Variants in SLC22A3 observed in about 807,000 individuals in gnomAD.
SLC22A3 encodes solute carrier family 22 member 3.
A neutral mutation model predicts 59.1 loss-of-function variants in SLC22A3; 51 were observed. The observed-to-expected ratio is 0.86, with a 90% CI of 0.69 to 1.09. The LOEUF is 1.09. Among genes scored for constraint, SLC22A3 ranks in the 50% least tolerant of loss-of-function variants. The probability of loss-of-function intolerance (pLI) is 0.00; values close to 1 mark genes in which losing one functional copy is unlikely to be tolerated. For synonymous variants in SLC22A3, 325 were observed against 292.0 expected, an observed-to-expected ratio of 1.11 and a Z score of -1.15; for missense variants, 711 against 726.3, an observed-to-expected ratio of 0.98 and a Z score of 0.24.
chr6:160,358,125 A>G (rs1321922465), intron 1 of SLC22A3, among the ~76,000 whole-genome samples: 1 of 152,234 alleles, frequency 6.6e-6, no homozygotes, highest in African/African-American at 2.4e-5. Context: ...AAATTATCAA[A>G]TTTTAGATCC....
rs753969600 is a variant in SLC22A3 at position 160,415,924 on chromosome 6, C to A, written c.975+5078C>A. Among the ~76,000 whole-genome samples the A allele has an allele frequency of 6.6e-6, 1 of 152,130 alleles. No individual in the cohort carries two copies. Among genetic ancestry groups the A allele is most frequent in the African/African-American group, 2.4e-5 (1 of 41,406 alleles). ...ACAGATAAGCTAAATTAACTACAAA[C>A]TAAGATTACACCAATCTCCAGAGCT... On this transcript the variant is annotated intron_variant, in intron 5 of 10. Coordinates refer to ENST00000275300, the MANE Select transcript of SLC22A3 (RefSeq NM_021977.4). The surrounding 1 kb of genome is among the most constrained non-coding windows in gnomAD (Gnocchi z 4.1).
intron 5 of SLC22A3, chr6:160,426,088 G>A (rs1381833952): frequency 4.7e-5 from 46 of 985,336 alleles, no homozygotes; most frequent in Non-Finnish European, 5.4e-5. Context: ...TAAGCAACCC[G>A]CAAACTCCAA....
chr6:160,357,059 G>C (rs1180457346), intron 1 of SLC22A3, among the ~76,000 whole-genome samples: 1 of 152,186 alleles, frequency 6.6e-6, no homozygotes, highest in African/African-American at 2.4e-5. Context: ...ATCTGCTCTA[G>C]ATTCTAGTGC....
chr6:160,348,690 C>T lies in SLC22A3; in HGVS notation c.271C>T (p.Gln91Ter), dbSNP rs1562462051. Residue 91 changes from glutamine (Q) to a stop codon, truncating the protein, a stop_gained, in exon 1 of 11, where the codon CAG (glutamine) becomes TAG (stop). Coordinates refer to ENST00000275300, the MANE Select transcript of SLC22A3 (RefSeq NM_021977.4). LOFTEE classifies it high-confidence loss of function. ...GCCCCCCGAGCGCCGCGGCCGCTGC[C>T]AGCGCTACCTCCTGGAGGCGGCCAA... ...PEPPERRGRC[Q>*]RYLLEAANDS... The T allele has an allele frequency of 2.0e-6, 3 of 1,509,464 alleles. 1 individual carries two copies. Among genetic ancestry groups the T allele is most frequent in the South Asian group, 2.5e-5 (2 of 81,226 alleles). 93.5% of individuals were successfully genotyped at this position (1,509,464 alleles called of 1,614,324 possible).
chr6:160,366,090 C>T (rs767843063), intron 1 of SLC22A3, among the ~76,000 whole-genome samples: 1 of 152,130 alleles, frequency 6.6e-6, no homozygotes, highest in Non-Finnish European at 1.5e-5. Context: ...CAAACCATAT[C>T]ATTCCACTCC....
chr6:160,354,459 A>C (rs969431691), intron 1 of SLC22A3, among the ~76,000 whole-genome samples: 5 of 152,154 alleles, frequency 3.3e-5, no homozygotes, highest in African/African-American at 1.2e-4. Flanking sequence ...GGAACAGGCT[A>C]TGGGCCAGAT....
intron 5 of SLC22A3, among the ~76,000 whole-genome samples, chr6:160,414,086 T>G (rs1201814327): frequency 6.6e-6 from 1 of 152,216 alleles, no homozygotes; most frequent in Non-Finnish European, 1.5e-5. Context: ...CAATTGGTAG[T>G]TAGATCTAGA....
intron 7 of SLC22A3, among the ~76,000 whole-genome samples, chr6:160,439,474 A>G (rs1788468430): frequency 6.6e-6 from 1 of 152,186 alleles, no homozygotes; most frequent in Non-Finnish European, 1.5e-5. Flanking sequence ...ATTGATTGGG[A>G]TGACTTTAAT....
intron 5 of SLC22A3, among the ~76,000 whole-genome samples, chr6:160,428,433 G>A (rs1049464033): frequency 6.6e-6 from 1 of 152,240 alleles, no homozygotes. Flanking sequence ...CTCATGTGCA[G>A]TCAAACACAT....
intron 2 of SLC22A3, among the ~76,000 whole-genome samples, chr6:160,399,875 C>T (rs751126368): frequency 8.5e-5 from 13 of 152,082 alleles, no homozygotes; most frequent in African/African-American, 2.4e-5. Context: ...AAACTACTAC[C>T]TTCAGCATCA....
Position 160,348,709 on chromosome 6 carries a change from C to G in SLC22A3, c.290C>G (p.Ala97Gly). Residue 97 changes from alanine (A) to glycine (G), a missense_variant, in exon 1 of 11, where the codon GCG (alanine) becomes GGG (glycine). Ala to Gly is a moderately conservative substitution (Grantham distance 60). Transcript: ENST00000275300. ...CGCTGCCAGCGCTACCTCCTGGAGGCGGCCAACGACAGCGCCTCCGCCACT... is the reference window on the plus strand; with the variant it reads ...CGCTGCCAGCGCTACCTCCTGGAGGGGGCCAACGACAGCGCCTCCGCCACT... ...RGRCQRYLLE[A>G]ANDSASATSA... The G allele has an allele frequency of 6.6e-7, 1 of 1,521,824 alleles. No individual in the cohort carries two copies. The highest frequency in any genetic ancestry group is 8.8e-7 in the Non-Finnish European group (1 of 1,141,668). 94.3% of individuals were successfully genotyped at this position (1,521,824 alleles called of 1,614,324 possible).
intron 1 of SLC22A3, among the ~76,000 whole-genome samples, chr6:160,385,104 TA>T (rs1785950018): frequency 6.6e-6 from 1 of 152,224 alleles, no homozygotes. Context: ...TTTTCATGAT[TA>T]ATTGCTCTCA....
rs74427605 is a variant in SLC22A3, at chr6:160,394,421, G to C, written c.430-3558G>C. On this transcript the variant is annotated intron_variant, in intron 1 of 10. Coordinates refer to ENST00000275300, the MANE Select transcript of SLC22A3 (RefSeq NM_021977.4). ...CAGGCCCAGAGCTGTTGCATCAGCA[G>C]GCAGGCAGCAAGCTGAGAGCTGATT... Among the ~76,000 whole-genome samples the C allele has an allele frequency of 4.0e-3, 602 of 152,298 alleles. 11 individuals are homozygous for C. The highest frequency in any genetic ancestry group is 0.034 in the East Asian group (176 of 5,178).
In SLC22A3 at chr6:160,409,039, A is replaced by G. The variant is rs1457372365; in HGVS notation, c.857+118A>G. On this transcript the variant is annotated intron_variant, in intron 4 of 10. Transcript: ENST00000275300. ...TCTTTTTTTTTTTTTTTTTTATTAT[A>G]CTCTAAGTTTTAGGGTACATGTGCA... 1.6e-5 allele frequency: 12 copies of G among 757,066 alleles called. No individual in the cohort carries two copies. The Admixed American group carries it at 3.9e-4, about 24-fold the overall frequency. 46.9% of individuals were successfully genotyped at this position (757,066 alleles called of 1,614,324 possible).
intron 5 of SLC22A3, among the ~76,000 whole-genome samples, chr6:160,428,120 C>A (rs901066777): frequency 9.5e-5 from 1 of 10,544 alleles, no homozygotes; most frequent in Non-Finnish European, 1.7e-4. Flanking sequence ...AAAAATAAAA[C>A]GCTCTCAGCT....
intron 1 of SLC22A3, among the ~76,000 whole-genome samples, chr6:160,351,105 TTTTTG>T (rs570839192): frequency 1.3e-5 from 2 of 152,118 alleles, no homozygotes; most frequent in Non-Finnish European, 2.9e-5. Context: ...GAGAGATTCT[TTTTTG>T]TTTTGTTTTG....
chr6:160,358,645 T>C (rs934877428), intron 1 of SLC22A3, among the ~76,000 whole-genome samples: 2 of 152,172 alleles, frequency 1.3e-5, no homozygotes, highest in African/African-American at 2.4e-5. Flanking sequence ...AATCCCCCCA[T>C]CCGGGTGGCT....
chr6:160,375,231 C>G (rs1227250610), intron 1 of SLC22A3, among the ~76,000 whole-genome samples: 1 of 152,198 alleles, frequency 6.6e-6, no homozygotes, highest in Non-Finnish European at 1.5e-5. Flanking sequence ...AGGACCCTTG[C>G]CTTCCTGAAA....
chr6:160,419,617 T>C (rs1191508508), intron 5 of SLC22A3, among the ~76,000 whole-genome samples: 1 of 152,208 alleles, frequency 6.6e-6, no homozygotes, highest in Non-Finnish European at 1.5e-5. Context: ...AAACAGTTAT[T>C]AGAAAGAAAG....
Sources: allele counts gnomAD v4.1 joint callset (sites outside exome capture counted in the v4.1 genomes callset), GRCh38; gene constraint gnomAD v4.1.1; non-coding constraint Gnocchi (gnomAD v3.1); transcripts MANE v1.5; gene names NCBI Gene and HGNC (gene_info 2026-07-23, HGNC 2026-07-21).